SRGAP2B: variants seen among roughly 807,000 people sequenced by gnomAD.
The protein encoded by SRGAP2B is SLIT-ROBO Rho GTPase activating protein 2B.
Under a neutral mutation model 22.2 loss-of-function variants are expected in SRGAP2B, and 9 were observed. That is an observed-to-expected ratio of 0.41 (90% CI 0.24 to 0.71). SRGAP2B has a LOEUF of 0.71. Ranked by LOEUF, SRGAP2B falls within the 30% of genes least tolerant of loss-of-function variation. The pLI is 0.35. For missense variants in SRGAP2B, 114 were observed against 235.8 expected, an observed-to-expected ratio of 0.48 and a Z score of 3.38; for synonymous variants, 36 against 87.4, an observed-to-expected ratio of 0.41 and a Z score of 3.28.
At position 144,925,792 on chromosome 1, in the gene SRGAP2B, A is replaced by AAAGG. The variant is rs1337287554; in HGVS notation, c.424-11042_424-11039dup. Reference sequence around the variant, plus strand: ...GAAAGAAAGAAAGAAAGAAAGAAAGAAAGGAGAGAGAAAGAAAGAAAGGAA... The same window carrying AAAGG: ...GAAAGAAAGAAAGAAAGAAAGAAAGAAAGGAAGGAGAGAGAAAGAAAGAAAGGAA... On this transcript the variant is annotated intron_variant, in intron 4 of 9. Coordinates refer to ENST00000612199, the Ensembl canonical transcript of SRGAP2B. 9.0e-4 allele frequency among the ~76,000 whole-genome samples: 80 copies of AAAGG among 88,956 alleles called. 1 individual carries two copies. Among genetic ancestry groups the AAAGG allele is most frequent in the South Asian group, 2.6e-3 (8 of 3,068 alleles). The allele number at this position is 88,956 out of a possible 152,430, so 58.4% of individuals were successfully genotyped here.
At chr1:144,985,350 G>T (rs1570928901) in intron 3 of SRGAP2B, among the ~76,000 whole-genome samples, 1 of 145,280 alleles carries the variant, frequency 6.9e-6, no homozygotes, top group Non-Finnish European at 1.5e-5. Context: ...ATAGCAGAAG[G>T]TCTCTGCAAG....
intron 4 of SRGAP2B, among the ~76,000 whole-genome samples, chr1:144,943,527 A>G (rs1422922950): frequency 6.7e-6 from 1 of 148,206 alleles, no homozygotes; most frequent in Non-Finnish European, 1.5e-5. Context: ...GAGAAAAGGA[A>G]GGGAGGGAGG....
At position 144,990,685 on chromosome 1, in the gene SRGAP2B, G is replaced by A. The variant is rs1385418227; in HGVS notation, c.260+4323C>T. On this transcript the variant is annotated intron_variant, in intron 3 of 9. Coordinates refer to ENST00000612199, the Ensembl canonical transcript of SRGAP2B. ...AGCGGGAACCGGGGCTGCGTGCGGC[G>A]CTTGCGGGCCAGCTGGAGTTCCGGG... Among the ~76,000 whole-genome samples the A allele has an allele frequency of 9.3e-5, 14 of 150,212 alleles. 1 individual carries two copies. The highest frequency in any genetic ancestry group is 3.0e-4 in the African/African-American group (12 of 39,940).
intron 4 of SRGAP2B, among the ~76,000 whole-genome samples, chr1:144,943,917 GTAAGGAAGA>G (rs1207937016): frequency 2.7e-5 from 4 of 150,634 alleles, no homozygotes; most frequent in African/African-American, 7.5e-5. Context: ...GCTGCCCACT[GTAAGGAAGA>G]TAGAATTTGG....
chr1:145,061,749 G>A (rs1231005452), intron 2 of SRGAP2B, among the ~76,000 whole-genome samples: 1 of 146,090 alleles, frequency 6.8e-6, no homozygotes, highest in East Asian at 2.0e-4. Context: ...CACCCACCTA[G>A]CTAATTTTTG....
At chr1:145,076,180 C>T (rs587748640) in intron 2 of SRGAP2B, among the ~76,000 whole-genome samples, 78 of 149,622 alleles carry the variant, frequency 5.2e-4, no homozygotes, top group African/African-American at 1.7e-3. Flanking sequence ...CTTGCCATTA[C>T]AAAAAACTAC....
chr1:144,930,378 C>CT (rs1326703207), intron 4 of SRGAP2B, among the ~76,000 whole-genome samples: 1 of 101,602 alleles, frequency 9.8e-6, no homozygotes, highest in Non-Finnish European at 1.9e-5. Flanking sequence ...TCCTTAGGGA[C>CT]TTTTCAAAAA....
At chr1:144,907,177 AAC>A (rs1486547786) in intron 5 of SRGAP2B, among the ~76,000 whole-genome samples, 4 of 150,420 alleles carry the variant, frequency 2.7e-5, no homozygotes, top group Non-Finnish European at 5.9e-5. Flanking sequence ...GTGTGTGTGT[AAC>A]ACAGGAGTGC....
Position 144,955,390 on chromosome 1 carries a change from T to C in SRGAP2B, c.423+49A>G, listed in dbSNP as rs1667179530. 4.2e-6 allele frequency: 6 copies of C among 1,412,928 alleles called. No individual in the cohort carries two copies. In the Admixed American group the frequency reaches 6.3e-5, roughly 15 times the overall value. 87.5% of individuals were successfully genotyped at this position (1,412,928 alleles called of 1,614,324 possible). On this transcript the variant is annotated intron_variant, in intron 4 of 9. Transcript: ENST00000612199. ...ATAATATCTAATAGGATTTTAAAAA[T>C]TGTGTCATTGCTCCACCCAAGAACC...
At chr1:144,972,619 C>T (rs1305428785) in intron 3 of SRGAP2B, among the ~76,000 whole-genome samples, 3 of 128,436 alleles carry the variant, frequency 2.3e-5, no homozygotes, top group Admixed American at 8.2e-5. Flanking sequence ...GGACTGATGC[C>T]CAGGAATCTG....
At chr1:144,993,526 C>T (rs1570952859) in intron 3 of SRGAP2B, among the ~76,000 whole-genome samples, 2 of 150,382 alleles carry the variant, frequency 1.3e-5, no homozygotes, top group South Asian at 4.2e-4. Context: ...CATAGCGAAA[C>T]CCTGTCTCTA....
intron 3 of SRGAP2B, among the ~76,000 whole-genome samples, chr1:144,968,973 A>G (rs1668287903): frequency 7.2e-4 from 3 of 4,156 alleles, no homozygotes; most frequent in African/African-American, 4.6e-3. Flanking sequence ...ACTACAAACC[A>G]CTGCTCAAGG....
chr1:145,044,641 A>G (rs1344681716), intron 2 of SRGAP2B, among the ~76,000 whole-genome samples: 6 of 111,524 alleles, frequency 5.4e-5, no homozygotes, highest in African/African-American at 7.0e-5. Flanking sequence ...TTATATTTGA[A>G]CCCCCTCCTA....
chr1:144,960,383 C>G (rs149269647), intron 3 of SRGAP2B, among the ~76,000 whole-genome samples: 1 of 150,844 alleles, frequency 6.6e-6, no homozygotes, highest in African/African-American at 2.5e-5. Context: ...CGGAAAGTCA[C>G]ATGCTGCCTG....
At chr1:144,917,951 TA>T (rs1553603970) in intron 4 of SRGAP2B, 4 of 62,332 alleles carry the variant, frequency 6.4e-5, no homozygotes, top group Admixed American at 3.5e-4. Context: ...ACAGAGCTGG[TA>T]AGCCACAAGG....
chr1:144,970,661 C>T (rs6662764), intron 3 of SRGAP2B, among the ~76,000 whole-genome samples: 1 of 117,522 alleles, frequency 8.5e-6, no homozygotes, highest in Non-Finnish European at 1.8e-5. Context: ...AAAAAAAAAG[C>T]ATGATTCAGT....
chr1:144,975,050 T>C (rs1445461005), intron 3 of SRGAP2B, among the ~76,000 whole-genome samples: 2 of 147,416 alleles, frequency 1.4e-5, no homozygotes, highest in East Asian at 3.9e-4. Context: ...AAATGGTTGG[T>C]TTGTTCTCAG....
intron 2 of SRGAP2B, among the ~76,000 whole-genome samples, chr1:145,045,057 T>A (rs1394618830): frequency 6.9e-6 from 1 of 144,502 alleles, no homozygotes; most frequent in Non-Finnish European, 1.5e-5. Flanking sequence ...ACTGCATAAT[T>A]TAAAACAAAA....
At chr1:144,999,278 C>G (rs1161303954) in intron 2 of SRGAP2B, among the ~76,000 whole-genome samples, 2 of 148,404 alleles carry the variant, frequency 1.3e-5, no homozygotes, top group African/African-American at 5.1e-5. Context: ...TTTCTAGAAG[C>G]AGCTATATCT....
Sources: gnomAD v4.1 joint callset for allele counts (sites outside exome capture counted in the v4.1 genomes callset) on GRCh38, gnomAD v4.1.1 for gene constraint, MANE v1.5 for transcripts, NCBI Gene and HGNC (gene_info 2026-07-23, HGNC 2026-07-21) for gene names.